ATP11A: variants seen among roughly 807,000 people sequenced by gnomAD.
ATP11A encodes ATPase phospholipid transporting 11A, also known as phospholipid-transporting ATPase IH.
ATP11A carries 81 observed loss-of-function variants against 154.4 expected under a neutral mutation model. That is an observed-to-expected ratio of 0.52 (90% CI 0.44 to 0.63). The LOEUF is 0.63. Ranked by LOEUF, ATP11A falls within the 30% of genes least tolerant of loss-of-function variation. The probability of loss-of-function intolerance (pLI) is 0.00; values close to 1 mark genes in which losing one functional copy is unlikely to be tolerated. For synonymous variants in ATP11A, 623 were observed against 585.9 expected, an observed-to-expected ratio of 1.06 and a Z score of -0.91; for missense variants, 1,316 against 1,474.3, an observed-to-expected ratio of 0.89 and a Z score of 1.76.
chr13:112,738,335 G>A (rs1025775168), intron 1 of ATP11A, among the ~76,000 whole-genome samples: 7 of 152,018 alleles, frequency 4.6e-5, no homozygotes, highest in East Asian at 1.9e-4. Context: ...ATCACGCCAC[G>A]GCACTCCAAC....
intron 2 of ATP11A, among the ~76,000 whole-genome samples, chr13:112,791,907 C>T (rs563705878): frequency 1.3e-5 from 2 of 152,274 alleles, no homozygotes; most frequent in Admixed American, 6.5e-5. Context: ...AGGAAGCCCT[C>T]ACTCAGGAAC....
chr13:112,864,871 G>A (rs1183436620), intron 25 of ATP11A, among the ~76,000 whole-genome samples: 1 of 70,638 alleles, frequency 1.4e-5, no homozygotes. Flanking sequence ...CACCTGCGCA[G>A]TAATTCAGTG....
intron 1 of ATP11A, among the ~76,000 whole-genome samples, chr13:112,736,235 A>G (rs947502497): frequency 2.6e-5 from 4 of 152,034 alleles, no homozygotes; most frequent in Non-Finnish European, 5.9e-5. Flanking sequence ...CACGTTATCT[A>G]TTTTTTCTTA....
At chr13:112,713,145 C>T (rs937606965) in intron 1 of ATP11A, among the ~76,000 whole-genome samples, 3 of 152,134 alleles carry the variant, frequency 2.0e-5, no homozygotes, top group African/African-American at 7.2e-5. Flanking sequence ...ACCTGGAATC[C>T]CAGCACTTTG....
In ATP11A at chr13:112,883,852, A is replaced by G. The variant is rs1391784344; in HGVS notation, c.*1986A>G. On this transcript the variant is annotated 3_prime_UTR_variant, in exon 30 of 30. Coordinates refer to ENST00000375645, the MANE Select transcript of ATP11A (RefSeq NM_015205.3). ...TTACAGCCCTTTTTAGGAACCCAAT[A>G]TGGGCATAAATGTAACACCTGTAGC... 6.6e-6 allele frequency: 1 copy of G among 152,566 alleles called. No homozygotes were observed. The highest frequency in any genetic ancestry group is 1.5e-5 in the Non-Finnish European group (1 of 68,050). 9.5% of individuals were successfully genotyped at this position (152,566 alleles called of 1,614,324 possible).
chr13:112,788,888 T>C (rs2077742595), intron 2 of ATP11A, among the ~76,000 whole-genome samples: 1 of 151,668 alleles, frequency 6.6e-6, no homozygotes, highest in Admixed American at 6.6e-5. Context: ...TAGACTCCTA[T>C]GTAGACCTAT....
chr13:112,834,566 C>A, intron 14 of ATP11A, 23 bp from the exon 15 acceptor site: 1 of 1,546,942 alleles, frequency 6.5e-7, no homozygotes, highest in South Asian at 1.1e-5. Context: ...AGATTCACCC[C>A]GAGGTTTCCC....
intron 2 of ATP11A, among the ~76,000 whole-genome samples, chr13:112,800,589 A>G (rs934931901): frequency 6.6e-6 from 1 of 152,144 alleles, no homozygotes; most frequent in African/African-American, 2.4e-5. Flanking sequence ...AAAAAAATCA[A>G]TTCTCTACAA....
rs916945941 is a variant in ATP11A at position 112,807,847 on chromosome 13, C to T, written c.333+1554C>T. Among the ~76,000 whole-genome samples, 19 of 152,222 alleles carry T rather than the reference C, an allele frequency of 1.2e-4. 1 individual carries two copies. The East Asian group carries it at 2.3e-3, about 19-fold the overall frequency. On this transcript the variant is annotated intron_variant, in intron 4 of 29. Coordinates refer to ENST00000375645, the MANE Select transcript of ATP11A (RefSeq NM_015205.3). This position sits in a 1 kb window ranked among gnomAD's most constrained non-coding sequence, Gnocchi z 4.5. ...TCTCAAGGGGAGCAGAGAGAAGGGGCGCGGGGGTGCAGAACAAGGGGCTGA... is the reference window on the plus strand; with the variant it reads ...TCTCAAGGGGAGCAGAGAGAAGGGGTGCGGGGGTGCAGAACAAGGGGCTGA...
rs2079084056 is a variant in ATP11A, at chr13:112,831,522, G to C, written c.1369G>C (p.Asp457His). Residue 457 changes from aspartate to histidine, a missense_variant, in exon 13 of 30, where the codon GAC (aspartate) becomes CAC (histidine). Asp to His is a moderately conservative substitution (Grantham distance 81, BLOSUM62 -1). Transcript: ENST00000375645. ...LPESSGIDMI[D>H]SSPSVNGRER... ...AGAGTCGTCAGGAATCGACATGATT[G>C]ACTCGTCCCCCAGCGTCAACGGGAG... 1 of 1,614,078 alleles carries C rather than the reference G, an allele frequency of 6.2e-7. No homozygotes were observed. Among genetic ancestry groups the C allele is most frequent in the Non-Finnish European group, 8.5e-7 (1 of 1,180,034 alleles).
chr13:112,806,097 A>G, intron 3 of ATP11A, 116 bp from the exon 4 acceptor site: 3 of 694,018 alleles, frequency 4.3e-6, no homozygotes, highest in South Asian at 1.8e-5. Flanking sequence ...AGGTGCCAGC[A>G]AAGGTCTTTA....
At chr13:112,879,791 G>T (rs1428409996) in intron 29 of ATP11A, among the ~76,000 whole-genome samples, 2 of 152,230 alleles carry the variant, frequency 1.3e-5, no homozygotes, top group Non-Finnish European at 2.9e-5. Context: ...CTCACGTGGG[G>T]CATATGTTAC....
chr13:112,773,068 A>G (rs894074303), intron 1 of ATP11A, among the ~76,000 whole-genome samples: 8 of 152,128 alleles, frequency 5.3e-5, no homozygotes, highest in African/African-American at 1.9e-4. Context: ...GGAGGGACTC[A>G]GGAGCCTCCC....
chr13:112,830,078 T>C (rs904479843), intron 12 of ATP11A, among the ~76,000 whole-genome samples: 2 of 152,220 alleles, frequency 1.3e-5, no homozygotes, highest in Non-Finnish European at 2.9e-5. Context: ...TTAATAACAG[T>C]TGAAGATTAA....
At chr13:112,728,922 G>A (rs1358135359) in intron 1 of ATP11A, among the ~76,000 whole-genome samples, 1 of 152,124 alleles carries the variant, frequency 6.6e-6, no homozygotes, top group Non-Finnish European at 1.5e-5. Context: ...CCTGGGGGTG[G>A]CCCACTGCAA....
At chr13:112,765,110 C>T (rs2077042524) in intron 1 of ATP11A, among the ~76,000 whole-genome samples, 1 of 152,140 alleles carries the variant, frequency 6.6e-6, no homozygotes, top group South Asian at 2.1e-4. Flanking sequence ...GAGTGCTTCC[C>T]AGCCAGCAAA....
chr13:112,787,178 C>T (rs2077659954), intron 2 of ATP11A, among the ~76,000 whole-genome samples: 1 of 144,996 alleles, frequency 6.9e-6, no homozygotes, highest in Non-Finnish European at 1.5e-5. Context: ...GCGTAGACCC[C>T]TGTGGAGACC....
chr13:112,833,738 T>C (rs1442638626), intron 14 of ATP11A, among the ~76,000 whole-genome samples: 1 of 152,190 alleles, frequency 6.6e-6, no homozygotes, highest in Admixed American at 6.5e-5. Flanking sequence ...CCGGGGCCCT[T>C]CGTTCCATGC....
At chr13:112,830,620 G>C (rs539240262) in intron 12 of ATP11A, among the ~76,000 whole-genome samples, 1 of 152,182 alleles carries the variant, frequency 6.6e-6, no homozygotes, top group Non-Finnish European at 1.5e-5. Flanking sequence ...ATTGAAAAGC[G>C]TTTATTCTAA....
Sources: allele counts gnomAD v4.1 joint callset (sites outside exome capture counted in the v4.1 genomes callset), GRCh38; gene constraint gnomAD v4.1.1; non-coding constraint Gnocchi (gnomAD v3.1); transcripts MANE v1.5; gene names NCBI Gene and HGNC (gene_info 2026-07-23, HGNC 2026-07-21).